NAV2: variants seen among roughly 807,000 people sequenced by gnomAD.
The protein encoded by NAV2 is helicase, APC down-regulated 1.
A neutral mutation model predicts 223.2 loss-of-function variants in NAV2; 54 were observed. That is an observed-to-expected ratio of 0.24 (90% confidence interval 0.19 to 0.30). The LOEUF (loss-of-function observed/expected upper bound fraction) is 0.30. NAV2 is among the 10% of genes least tolerant of loss of function. The pLI is 1.00. For synonymous variants in NAV2, 1,279 were observed against 1,239.3 expected (o/e 1.03, Z -0.67); for missense variants, 2,806 against 3,147.5 (o/e 0.89, Z 2.60).
At chr11:19,806,663 G>T (rs1271287797) in intron 1 of NAV2, among the ~76,000 whole-genome samples, 1 of 152,162 alleles carries the variant, frequency 6.6e-6, no homozygotes, top group East Asian at 1.9e-4. Flanking sequence ...TCTAAAGAGG[G>T]GATGGAGAAT....
At chr11:19,491,345 G>A (rs1033970232) in intron 1 of NAV2, among the ~76,000 whole-genome samples, 1 of 152,170 alleles carries the variant, frequency 6.6e-6, no homozygotes, top group African/African-American at 2.4e-5. Flanking sequence ...TCATATTCAC[G>A]GAAAATCAGT....
intron 1 of NAV2, among the ~76,000 whole-genome samples, chr11:19,534,217 C>T (rs1590435468): frequency 6.6e-6 from 1 of 152,086 alleles, no homozygotes; most frequent in Non-Finnish European, 1.5e-5. Flanking sequence ...CTGGTAGCAT[C>T]GTGTTTATTT....
intron 22 of NAV2, among the ~76,000 whole-genome samples, chr11:20,077,338 G>C (rs1008744667): frequency 5.9e-5 from 9 of 151,992 alleles, no homozygotes; most frequent in African/African-American, 2.4e-5. Context: ...GATGTACAAG[G>C]GCCCTAAGAT....
At chr11:19,404,796 A>G (rs1342890908) in intron 1 of NAV2, among the ~76,000 whole-genome samples, 2 of 152,186 alleles carry the variant, frequency 1.3e-5, no homozygotes, top group Non-Finnish European at 2.9e-5. Flanking sequence ...CTTCCAATGA[A>G]TTCATGATTA....
At chr11:20,025,971 T>A (rs747391262) in intron 11 of NAV2, among the ~76,000 whole-genome samples, 3 of 152,188 alleles carry the variant, frequency 2.0e-5, no homozygotes, top group Non-Finnish European at 2.9e-5. Context: ...GCTACCTGAT[T>A]TGGTCCCACC....
chr11:19,423,346 C>A (rs1285011846), intron 1 of NAV2, among the ~76,000 whole-genome samples: 2 of 152,206 alleles, frequency 1.3e-5, no homozygotes, highest in Non-Finnish European at 2.9e-5. Flanking sequence ...TTCATTCATT[C>A]TACAGATGGT....
chr11:20,033,285 A>G (rs936739773), intron 11 of NAV2, among the ~76,000 whole-genome samples: 1 of 152,250 alleles, frequency 6.6e-6, no homozygotes, highest in Admixed American at 6.5e-5. Context: ...CCTGATCATG[A>G]TAAGCACTTA....
chr11:19,555,136 G>A (rs1159124017), intron 1 of NAV2, among the ~76,000 whole-genome samples: 2 of 152,092 alleles, frequency 1.3e-5, no homozygotes, highest in African/African-American at 4.8e-5. Context: ...CAGATTCTGA[G>A]ACAGGGATCA....
Position 20,118,454 on chromosome 11 carries a change from C to T in NAV2, c.*196C>T. 1 of 625,864 alleles carries T rather than the reference C, an allele frequency of 1.6e-6. No homozygotes were observed. 38.8% of individuals were successfully genotyped at this position (625,864 alleles called of 1,614,324 possible). ...CCAGCTGCCTGCGGACCGCTTCCTT[C>T]CACAGCGAGAACTGCACTACCTTCT... On this transcript the variant is annotated 3_prime_UTR_variant, in exon 38 of 38. Coordinates refer to ENST00000349880, the MANE Select transcript of NAV2 (RefSeq NM_145117.5).
At chr11:19,486,349 C>A (rs2134037670) in intron 1 of NAV2, among the ~76,000 whole-genome samples, 1 of 152,242 alleles carries the variant, frequency 6.6e-6, no homozygotes, top group South Asian at 2.1e-4. Flanking sequence ...TTTGGTCTTT[C>A]TGGTACTTCT....
intron 1 of NAV2, among the ~76,000 whole-genome samples, chr11:19,595,851 C>T (rs891138265): frequency 6.6e-6 from 1 of 151,272 alleles, no homozygotes. Context: ...CATAAGCCAC[C>T]ATGCCTGGCC....
At chr11:19,644,659 A>T (rs746475035) in intron 1 of NAV2, among the ~76,000 whole-genome samples, 2 of 152,138 alleles carry the variant, frequency 1.3e-5, no homozygotes, top group Non-Finnish European at 2.9e-5. Context: ...GAAGTAGTGG[A>T]TTTTCTGGGG....
chr11:19,459,318 T>A (rs1852071838), intron 1 of NAV2, among the ~76,000 whole-genome samples: 1 of 152,224 alleles, frequency 6.6e-6, no homozygotes, highest in Non-Finnish European at 1.5e-5. Flanking sequence ...TAGATACTGG[T>A]GGCAAAGTGG....
At chr11:19,841,461 A>G (rs1156464877) in intron 2 of NAV2, among the ~76,000 whole-genome samples, 2 of 152,178 alleles carry the variant, frequency 1.3e-5, no homozygotes, top group East Asian at 1.9e-4. Flanking sequence ...TTATTAAAAT[A>G]TGATATGATT....
At chr11:19,862,570 G>A (rs945410866) in intron 3 of NAV2, among the ~76,000 whole-genome samples, 22 of 152,148 alleles carry the variant, frequency 1.4e-4, no homozygotes, top group Admixed American at 1.0e-3. Flanking sequence ...TGATGCTCCC[G>A]AATATTTCCA....
chr11:19,817,464 A>G (rs1228630090), intron 1 of NAV2, among the ~76,000 whole-genome samples: 2 of 152,112 alleles, frequency 1.3e-5, no homozygotes, highest in Non-Finnish European at 2.9e-5. Flanking sequence ...AGGCAGAGAC[A>G]GTTAGGTCCA....
intron 1 of NAV2, among the ~76,000 whole-genome samples, chr11:19,786,675 G>T (rs532226758): frequency 1.3e-5 from 2 of 152,198 alleles, no homozygotes; most frequent in Non-Finnish European, 2.9e-5. Flanking sequence ...TACTGATGGA[G>T]CTTTCTTTGG....
chr11:19,646,920 C>G (rs911957314), intron 1 of NAV2, among the ~76,000 whole-genome samples: 1 of 152,178 alleles, frequency 6.6e-6, no homozygotes, highest in Non-Finnish European at 1.5e-5. Context: ...TCAGGCACTA[C>G]AGGAGGACAG....
intron 1 of NAV2, among the ~76,000 whole-genome samples, chr11:19,355,732 G>A (rs1853579435): frequency 6.6e-6 from 1 of 152,090 alleles, no homozygotes; most frequent in Non-Finnish European, 1.5e-5. Context: ...AGTCCTGCAT[G>A]GTAACTGTAT....
Sources: gnomAD v4.1 joint callset for allele counts (sites outside exome capture counted in the v4.1 genomes callset) on GRCh38, gnomAD v4.1.1 for gene constraint, MANE v1.5 for transcripts, NCBI Gene and HGNC (gene_info 2026-07-23, HGNC 2026-07-21) for gene names.